Variants in CEP128 observed in about 807,000 individuals in gnomAD.
CEP128 encodes the protein centrosomal protein 128kDa.
Under a neutral mutation model 156.7 loss-of-function variants are expected in CEP128, and 132 were observed. That is an observed-to-expected ratio of 0.84 (90% confidence interval 0.73 to 0.97). The LOEUF is 0.97. CEP128 is among the 50% of genes least tolerant of loss of function. The probability of loss-of-function intolerance (pLI) is 0.00; values close to 1 mark genes in which losing one functional copy is unlikely to be tolerated. For missense variants in CEP128, 1,252 were observed against 1,281.9 expected (o/e 0.98, Z 0.36); for synonymous variants, 469 against 448.9 (o/e 1.04, Z -0.57).
At chr14:80,924,451 GTAAA>G (rs1445211931) in intron 2 of CEP128, among the ~76,000 whole-genome samples, 3 of 152,180 alleles carry the variant, frequency 2.0e-5, no homozygotes, top group African/African-American at 7.2e-5. Context: ...AAAGATGAAA[GTAAA>G]TAAATAAGTC....
intron 8 of CEP128, among the ~76,000 whole-genome samples, chr14:80,890,089 G>A (rs965906690): frequency 2.6e-5 from 4 of 152,112 alleles, no homozygotes; most frequent in Admixed American, 6.5e-5. Context: ...ACCATCTCAC[G>A]CCAGTTAGAA....
At chr14:80,825,137 A>G (rs1885400982) in intron 13 of CEP128, among the ~76,000 whole-genome samples, 1 of 152,200 alleles carries the variant, frequency 6.6e-6, no homozygotes. Flanking sequence ...ACCTGCCCCC[A>G]TGATTCAATA....
Position 80,831,376 on chromosome 14 carries a change from T to C in CEP128, c.1058-82A>G. On this transcript the variant is annotated intron_variant, in intron 12 of 24. Coordinates refer to ENST00000555265, the MANE Select transcript of CEP128 (RefSeq NM_152446.5). ...TTTCAAATAGTACTGAGCCCTGATG[T>C]TTCAATATTCTAGCTATCATAATCC... is the stretch of plus-strand genomic sequence containing the variant. 7.3e-6 allele frequency: 10 copies of C among 1,377,126 alleles called. No individual in the cohort carries two copies. In the South Asian group the frequency reaches 1.3e-4, roughly 18 times the overall value. 85.3% of individuals were successfully genotyped at this position (1,377,126 alleles called of 1,614,324 possible). A position where few individuals can be genotyped will look rare whatever the true frequency, so the allele number is the denominator to read the frequency against.
At chr14:80,865,318 T>C (rs150962392) in intron 8 of CEP128, among the ~76,000 whole-genome samples, 1 of 152,336 alleles carries the variant, frequency 6.6e-6, no homozygotes, top group East Asian at 1.9e-4. Context: ...GTATGTGTAT[T>C]TCTTTATCTG....
chr14:80,922,180 T>A (rs1158034217), intron 2 of CEP128, among the ~76,000 whole-genome samples: 1 of 152,192 alleles, frequency 6.6e-6, no homozygotes, highest in Non-Finnish European at 1.5e-5. Flanking sequence ...AAGCTCTATA[T>A]TCAGAACTTC....
chr14:80,945,380 C>T (rs1566731319), upstream of CEP128, among the ~76,000 whole-genome samples: 1 of 152,080 alleles, frequency 6.6e-6, no homozygotes, highest in Non-Finnish European at 1.5e-5. Flanking sequence ...ATGTTTTCCC[C>T]AAAATTGTAC....
intron 10 of CEP128, among the ~76,000 whole-genome samples, chr14:80,838,499 C>T (rs558779987): frequency 1.3e-5 from 2 of 152,234 alleles, no homozygotes; most frequent in South Asian, 2.1e-4. Flanking sequence ...CTCAGGAAGT[C>T]TGGGATCTAG....
In CEP128 at chr14:80,501,033, CT is replaced by C. The variant is rs547750916; in HGVS notation, c.3182-3452del. Reference sequence around the variant, plus strand: ...GATCTGCCATATGTCCACTAGTAGTCTTTTTTTTTTTAAGTGTTCAATCGTA... The same window carrying C: ...GATCTGCCATATGTCCACTAGTAGTCTTTTTTTTTTAAGTGTTCAATCGTA... On this transcript the variant is annotated intron_variant, in intron 24 of 24. Coordinates refer to ENST00000555265, the MANE Select transcript of CEP128 (RefSeq NM_152446.5). Among the ~76,000 whole-genome samples, 902 of 143,838 alleles carry C rather than the reference CT, an allele frequency of 6.3e-3. 10 individuals are homozygous for C. Among genetic ancestry groups the C allele is most frequent in the African/African-American group, 0.02 (803 of 39,316 alleles). 94.4% of individuals were successfully genotyped at this position (143,838 alleles called of 152,430 possible). A position where few individuals can be genotyped will look rare whatever the true frequency, so the allele number is the denominator to read the frequency against.
At chr14:80,806,346 A>C (rs781313467) in intron 13 of CEP128, among the ~76,000 whole-genome samples, 6 of 152,176 alleles carry the variant, frequency 3.9e-5, no homozygotes, top group Non-Finnish European at 7.4e-5. Flanking sequence ...TAAAATATTA[A>C]CTTCTCTTTC....
At chr14:80,748,464 A>G (rs1899216804) in intron 18 of CEP128, among the ~76,000 whole-genome samples, 1 of 152,194 alleles carries the variant, frequency 6.6e-6, no homozygotes, top group South Asian at 2.1e-4. Context: ...TGTTCTCTAG[A>G]AAGTGTTTTC....
rs913564168 is a variant in CEP128, at chr14:80,524,501, A to T, written c.3072+2368T>A. Among the ~76,000 whole-genome samples the T allele has an allele frequency of 5.3e-5, 8 of 152,290 alleles. No individual in the cohort carries two copies. The East Asian group carries it at 1.4e-3, about 26-fold the overall frequency. On this transcript the variant is annotated intron_variant, in intron 23 of 24. Transcript: ENST00000555265. ...ATGAAGACAAGAAATGACTAACACA[A>T]CTTTCTCACTACTCATTTAAGCTCA... is the stretch of plus-strand genomic sequence containing the variant.
At chr14:80,955,892 G>C (rs768805145) in intron 2 of CEP128, 6 of 1,613,676 alleles carry the variant, frequency 3.7e-6, no homozygotes, top group Non-Finnish European at 5.1e-6. Flanking sequence ...CAGAGATCAA[G>C]GGCATCTGCA....
chr14:80,604,124 G>A (rs544056940), intron 19 of CEP128, among the ~76,000 whole-genome samples: 1 of 152,262 alleles, frequency 6.6e-6, no homozygotes, highest in Non-Finnish European at 1.5e-5. Context: ...ACAGCATCCT[G>A]TTGGTGTTTC....
rs547873837 is a variant in CEP128 at position 80,506,621 on chromosome 14, G to A, written c.3073-1601C>T. 2.8e-4 allele frequency among the ~76,000 whole-genome samples: 43 copies of A among 152,194 alleles called. 1 individual carries two copies. The highest frequency in any genetic ancestry group is 8.2e-4 in the African/African-American group (34 of 41,554). On this transcript the variant is annotated intron_variant, in intron 23 of 24. Transcript: ENST00000555265. ...TCTCAAAATATGGTCCCAACATGGA[G>A]TAAGGCCTCGTGTAACATGACCATC...
chr14:80,900,040 C>G lies in CEP128; in HGVS notation c.481-11G>C. 1 of 1,562,828 alleles carries G rather than the reference C, an allele frequency of 6.4e-7. No individual in the cohort carries two copies. Among genetic ancestry groups the G allele is most frequent in the Non-Finnish European group, 8.8e-7 (1 of 1,136,542 alleles). Reference sequence around the variant, plus strand: ...ATGAAAACCATGAAGCTAGCAAAGGCAAAACACAGTTATCCATTTAGAATT... The same window carrying G: ...ATGAAAACCATGAAGCTAGCAAAGGGAAAACACAGTTATCCATTTAGAATT... On this transcript the variant is annotated splice_polypyrimidine_tract_variant and intron_variant, in intron 6 of 24. Transcript: ENST00000555265.
rs1006945151 is a variant in CEP128, at chr14:80,628,268, T to C, written c.2807-47845A>G. Reference sequence around the variant, plus strand: ...GTGACAAAAAGTCTTTCCTTTCCTATTCTTAGAAACATCCCATATAGCCAT... The same window carrying C: ...GTGACAAAAAGTCTTTCCTTTCCTACTCTTAGAAACATCCCATATAGCCAT... On this transcript the variant is annotated intron_variant, in intron 19 of 24. Coordinates refer to ENST00000555265, the MANE Select transcript of CEP128 (RefSeq NM_152446.5). 7.9e-5 allele frequency among the ~76,000 whole-genome samples: 12 copies of C among 152,326 alleles called. No homozygotes were observed. The East Asian group carries it at 2.1e-3, about 27-fold the overall frequency.
chr14:80,862,812 T>G lies in CEP128; in HGVS notation c.707A>C (p.Glu236Ala). 1.2e-6 allele frequency: 2 copies of G among 1,613,884 alleles called. No individual in the cohort carries two copies. Among genetic ancestry groups the G allele is most frequent in the East Asian group, 2.2e-5 (1 of 44,872 alleles). The change falls in exon 9 of 25, where the codon GAG becomes GCG. Residue 236 changes from glutamate to alanine, a missense_variant. By Grantham distance (107) the Glu-to-Ala change is moderately radical. Transcript: ENST00000555265. ...TTGATCCTGGCGTCTTTCCACCAGC[T>G]CCCTTTCTGTGCGCATCTCTCTCTC... is the stretch of plus-strand genomic sequence containing the variant. Reference protein sequence around the residue: ...ELEREMRTERELVERRQDQLG... With the variant: ...ELEREMRTERALVERRQDQLG...
At chr14:80,535,081 C>A (rs1889423409) in intron 21 of CEP128, among the ~76,000 whole-genome samples, 1 of 152,132 alleles carries the variant, frequency 6.6e-6, no homozygotes, top group Non-Finnish European at 1.5e-5. Context: ...AGGGTCAAAG[C>A]AGATGATCAG....
chr14:80,862,534 C>G (rs1887562101), intron 9 of CEP128, among the ~76,000 whole-genome samples: 1 of 152,164 alleles, frequency 6.6e-6, no homozygotes, highest in African/African-American at 2.4e-5. Flanking sequence ...ACAGACAAAA[C>G]TAGCGCCTAG....
Sources: allele counts gnomAD v4.1 joint callset (sites outside exome capture counted in the v4.1 genomes callset), GRCh38; gene constraint gnomAD v4.1.1; transcripts MANE v1.5; gene names NCBI Gene and HGNC (gene_info 2026-07-23, HGNC 2026-07-21).